MGLL: variants seen among roughly 807,000 people sequenced by gnomAD.
MGLL encodes monoglyceride lipase.
In MGLL, 7 loss-of-function variants were observed where a neutral mutation model predicts 29.1. The ratio of observed to expected loss-of-function variants is 0.24; its 90% confidence interval spans 0.14 to 0.45. MGLL has a LOEUF of 0.45. Among genes scored for constraint, MGLL ranks in the 20% least tolerant of loss-of-function variants. The pLI is 0.99. For missense variants in MGLL, 356 were observed against 413.6 expected, an observed-to-expected ratio of 0.86 and a Z score of 1.21; for synonymous variants, 148 against 168.3, an observed-to-expected ratio of 0.88 and a Z score of 0.93.
chr3:127,776,686 T>C (rs572527563), intron 3 of MGLL, among the ~76,000 whole-genome samples: 1 of 152,352 alleles, frequency 6.6e-6, no homozygotes, highest in African/African-American at 2.4e-5. Context: ...GTGGCCACAC[T>C]GCTGGACCCT....
intron 2 of MGLL, among the ~76,000 whole-genome samples, chr3:127,812,505 T>C (rs548769206): frequency 6.6e-6 from 1 of 152,330 alleles, no homozygotes; most frequent in Non-Finnish European, 1.5e-5. Flanking sequence ...GGGGAAAGCC[T>C]GTGGCCTGGT....
chr3:127,772,329 C>A lies in MGLL; in HGVS notation c.262+9460G>T, dbSNP rs908838813. ...TGCATTGGTAGTTCACTTCTGACAG[C>A]ACCCCACAGGCTGGTATTGTTAGCC... is the stretch of plus-strand genomic sequence containing the variant. On this transcript the variant is annotated intron_variant, in intron 3 of 7. Coordinates refer to ENST00000265052, the MANE Select transcript of MGLL (RefSeq NM_007283.7). Among the ~76,000 whole-genome samples, 5 of 152,354 alleles carry A rather than the reference C, an allele frequency of 3.3e-5. No individual in the cohort carries two copies. In the South Asian group the frequency reaches 8.3e-4, roughly 25 times the overall value.
intron 6 of MGLL, among the ~76,000 whole-genome samples, chr3:127,705,517 C>T (rs1479334812): frequency 2.0e-5 from 3 of 152,054 alleles, no homozygotes; most frequent in Non-Finnish European, 4.4e-5. Context: ...TGGCTCACAC[C>T]TGTAATCCCA....
At position 127,761,041 on chromosome 3, in the gene MGLL, A is replaced by G. The variant is rs1437878014; in HGVS notation, c.262+20748T>C. On this transcript the variant is annotated intron_variant, in intron 3 of 7. Coordinates refer to ENST00000265052, the MANE Select transcript of MGLL (RefSeq NM_007283.7). The surrounding 1 kb of genome is among the most constrained non-coding windows in gnomAD (Gnocchi z 4.6). ...CATACCCACACATACAGGATTCACA[A>G]GTGTGAACTTGAGCGTATCCAAAGA... is the stretch of plus-strand genomic sequence containing the variant. Among the ~76,000 whole-genome samples the G allele has an allele frequency of 2.0e-5, 3 of 152,258 alleles. No homozygotes were observed. Among genetic ancestry groups the G allele is most frequent in the African/African-American group, 7.2e-5 (3 of 41,474 alleles).
chr3:127,694,647 T>G (rs2075321290), intron 7 of MGLL, among the ~76,000 whole-genome samples: 1 of 152,146 alleles, frequency 6.6e-6, no homozygotes, highest in African/African-American at 2.4e-5. Flanking sequence ...CACGTGTCCT[T>G]GGAGCTTGGA....
intron 7 of MGLL, among the ~76,000 whole-genome samples, chr3:127,694,309 GTATGTGTGTATATATA>G (rs1559902138): frequency 4.8e-5 from 5 of 104,694 alleles, no homozygotes; most frequent in South Asian, 3.2e-4. Context: ...ATATATATAT[GTATGTGTGTATATATA>G]TATGTGTATA....
intron 2 of MGLL, among the ~76,000 whole-genome samples, chr3:127,790,220 C>T (rs148122242): frequency 6.6e-6 from 1 of 152,328 alleles, no homozygotes; most frequent in East Asian, 1.9e-4. Flanking sequence ...GTAGCACACA[C>T]CTCCCAGAGG....
intron 6 of MGLL, among the ~76,000 whole-genome samples, chr3:127,710,030 T>A (rs7645411): frequency 0.15 from 23,435 of 152,220 alleles, 1,946 homozygotes; most frequent in Middle Eastern, 0.36. Flanking sequence ...CAGGCCTGGA[T>A]AATCAGTCAG....
chr3:127,755,547 A>C (rs1244747241), intron 3 of MGLL, among the ~76,000 whole-genome samples: 1 of 152,174 alleles, frequency 6.6e-6, no homozygotes, highest in African/African-American at 2.4e-5. Context: ...ACAAGGGCGG[A>C]CCACATGCAG....
intron 2 of MGLL, among the ~76,000 whole-genome samples, chr3:127,794,170 C>G (rs781156599): frequency 6.6e-6 from 1 of 152,084 alleles, no homozygotes; most frequent in South Asian, 2.1e-4. Flanking sequence ...ATTAGCTGGG[C>G]GTGGTGGCTT....
chr3:127,806,805 T>C (rs1489443044), intron 2 of MGLL, among the ~76,000 whole-genome samples: 3 of 152,086 alleles, frequency 2.0e-5, no homozygotes, highest in Non-Finnish European at 4.4e-5. Context: ...GGCGGGTGGA[T>C]CACCTGAGCT....
intron 3 of MGLL, among the ~76,000 whole-genome samples, chr3:127,754,484 C>T (rs561425568): frequency 1.0e-3 from 152 of 152,336 alleles, no homozygotes; most frequent in African/African-American, 3.1e-3. Flanking sequence ...CACCCCTCAC[C>T]GGCGTTAACT....
chr3:127,711,619 G>T (rs2075715105), intron 5 of MGLL: 1 of 152,194 alleles, frequency 6.6e-6, no homozygotes, highest in African/African-American at 2.4e-5. Flanking sequence ...TGAATTCTCA[G>T]TGTACATCAA....
chr3:127,753,895 G>T (rs1321387604), intron 3 of MGLL, among the ~76,000 whole-genome samples: 1 of 152,174 alleles, frequency 6.6e-6, no homozygotes, highest in African/African-American at 2.4e-5. Flanking sequence ...TTGGTGATGG[G>T]TCTCCATTCC....
At chr3:127,811,665 AG>A (rs1368442523) in intron 2 of MGLL, among the ~76,000 whole-genome samples, 1 of 152,254 alleles carries the variant, frequency 6.6e-6, no homozygotes, top group Non-Finnish European at 1.5e-5. Flanking sequence ...AGACTTCAAA[AG>A]CACTTGCATA....
chr3:127,700,985 T>G (rs989898906), intron 6 of MGLL, among the ~76,000 whole-genome samples: 2 of 151,766 alleles, frequency 1.3e-5, no homozygotes, highest in African/African-American at 2.4e-5. Flanking sequence ...GAGGACAAGG[T>G]GGGCAGATCA....
chr3:127,806,715 G>A (rs1031403546), intron 2 of MGLL, among the ~76,000 whole-genome samples: 1 of 152,064 alleles, frequency 6.6e-6, no homozygotes, highest in African/African-American at 2.4e-5. Flanking sequence ...GTGAATGAAT[G>A]AATGGATGGC....
chr3:127,818,466 TC>T (rs1278037601), intron 2 of MGLL, among the ~76,000 whole-genome samples: 1 of 152,146 alleles, frequency 6.6e-6, no homozygotes, highest in African/African-American at 2.4e-5. Flanking sequence ...GCCTCTGTCT[TC>T]TGAGTTTCTG....
chr3:127,815,560 G>A (rs1323637606), intron 2 of MGLL, among the ~76,000 whole-genome samples: 2 of 152,200 alleles, frequency 1.3e-5, no homozygotes, highest in Non-Finnish European at 2.9e-5. Context: ...CATCTAGCTG[G>A]TTATTTGGAT....
Sources: gnomAD v4.1 joint callset for allele counts (sites outside exome capture counted in the v4.1 genomes callset) on GRCh38, gnomAD v4.1.1 for gene constraint, Gnocchi (gnomAD v3.1) non-coding constraint, MANE v1.5 for transcripts, NCBI Gene and HGNC (gene_info 2026-07-23, HGNC 2026-07-21) for gene names.